The following EBF1 variants were observed in gnomAD, a reference collection of about 807,000 sequenced individuals.
EBF1 encodes transcription factor COE1.
EBF1 carries 10 observed loss-of-function variants against 68.4 expected under a neutral mutation model. That is an observed-to-expected ratio of 0.15 (90% CI 0.09 to 0.25). The LOEUF is 0.25. Ranked by LOEUF, EBF1 falls within the 10% of genes least tolerant of loss-of-function variation. The pLI is 1.00. For missense variants in EBF1, 509 were observed against 794.4 expected (o/e 0.64, Z 4.32); for synonymous variants, 298 against 299.8 (o/e 0.99, Z 0.06).
chr5:158,732,347 C>T (rs913677198), intron 10 of EBF1, among the ~76,000 whole-genome samples: 1 of 152,042 alleles, frequency 6.6e-6, no homozygotes, highest in Non-Finnish European at 1.5e-5. Context: ...CAAATAGGTC[C>T]CAAGGCTAAT....
At position 158,714,160 on chromosome 5, in the gene EBF1, G is replaced by A. The variant is rs1206083268; in HGVS notation, c.1148C>T (p.Ala383Val). The A allele has an allele frequency of 2.5e-6, 4 of 1,614,186 alleles. No individual in the cohort carries two copies. Among genetic ancestry groups the A allele is most frequent in the Non-Finnish European group, 1.7e-6 (2 of 1,180,034 alleles). Reference sequence around the variant, plus strand: ...CCCATACAGTGCTTCTACCAGATCCGCAGCCCTTTTGAGTATTACTTCCTG... The same window carrying A: ...CCCATACAGTGCTTCTACCAGATCCACAGCCCTTTTGAGTATTACTTCCTG... ...LPKEVILKRAADLVEALYGMP... is the reference protein window; with the variant it reads ...LPKEVILKRAVDLVEALYGMP... Residue 383 changes from alanine to valine, a missense_variant, in exon 12 of 16, where the codon GCG becomes GTG. Coordinates refer to ENST00000313708, the MANE Select transcript of EBF1 (RefSeq NM_024007.5).
At chr5:158,840,829 G>A (rs924346698) in intron 6 of EBF1, among the ~76,000 whole-genome samples, 7 of 150,116 alleles carry the variant, frequency 4.7e-5, no homozygotes, top group African/African-American at 1.5e-4. Context: ...CCGCCACTAC[G>A]CCCGGCTAAT....
intron 6 of EBF1, among the ~76,000 whole-genome samples, chr5:158,991,142 A>G (rs1760237418): frequency 1.3e-5 from 2 of 152,232 alleles, no homozygotes; most frequent in South Asian, 4.1e-4. Flanking sequence ...ACGTTTGTTA[A>G]ATAGAGTTAA....
intron 6 of EBF1, among the ~76,000 whole-genome samples, chr5:158,918,989 C>T (rs969645857): frequency 3.9e-5 from 6 of 152,186 alleles, no homozygotes; most frequent in Admixed American, 1.3e-4. Flanking sequence ...GAAGCCAACC[C>T]TTCCAATATT....
chr5:158,767,449 T>C (rs934232968), intron 10 of EBF1, among the ~76,000 whole-genome samples: 2 of 152,150 alleles, frequency 1.3e-5, no homozygotes, highest in Admixed American at 1.3e-4. Context: ...CAAGGTAAAG[T>C]AGCATGCCAG....
In EBF1 at chr5:158,796,296, T is replaced by C. The variant is rs371836228; in HGVS notation, c.909+49A>G. The stretch of plus-strand genomic sequence containing the variant: ...ATTAGAAATTCAAGTATAGACAGTA[T>C]CTTCAACTAGATCAAGCTATTAGAT... On this transcript the variant is annotated intron_variant, in intron 9 of 15. Transcript: ENST00000313708. The C allele has an allele frequency of 3.8e-6, 6 of 1,559,466 alleles. No homozygotes were observed. In the African/African-American group the frequency reaches 8.1e-5, roughly 21 times the overall value.
At chr5:159,035,850 T>C (rs578156079) in intron 6 of EBF1, among the ~76,000 whole-genome samples, 1 of 152,352 alleles carries the variant, frequency 6.6e-6, no homozygotes, top group African/African-American at 2.4e-5. Context: ...AGTATTGTGA[T>C]AATCACTCAC....
intron 6 of EBF1, among the ~76,000 whole-genome samples, chr5:158,951,998 G>A (rs1006874726): frequency 2.6e-5 from 4 of 152,086 alleles, no homozygotes; most frequent in African/African-American, 7.2e-5. Flanking sequence ...GTCGACTACC[G>A]AGCACTCAGG....
intron 6 of EBF1, among the ~76,000 whole-genome samples, chr5:158,934,180 C>T (rs918028472): frequency 3.9e-5 from 6 of 152,138 alleles, no homozygotes; most frequent in Admixed American, 3.9e-4. Flanking sequence ...GACACAGACT[C>T]TCCTGAATGA....
chr5:158,835,329 C>G (rs1042332811), intron 7 of EBF1, among the ~76,000 whole-genome samples: 1 of 152,088 alleles, frequency 6.6e-6, no homozygotes, highest in Non-Finnish European at 1.5e-5. Context: ...TTGACCAAAC[C>G]CTTTACAGGT....
chr5:159,095,758 A>C (rs1172313679), intron 3 of EBF1, 83 bp from the exon 4 acceptor site: 58 of 1,433,362 alleles, frequency 4.0e-5, no homozygotes, highest in Non-Finnish European at 5.2e-5. Flanking sequence ...AACAACAAAA[A>C]ATAACAACAA....
intron 6 of EBF1, among the ~76,000 whole-genome samples, chr5:159,064,899 CT>C (rs57256923): frequency 0.23 from 15,447 of 67,770 alleles, 519 homozygotes; most frequent in Middle Eastern, 0.29. Flanking sequence ...CTCTTTTCAT[CT>C]TTTTTTTTTT....
chr5:158,955,310 C>T (rs1448573921), intron 6 of EBF1, among the ~76,000 whole-genome samples: 2 of 150,794 alleles, frequency 1.3e-5, no homozygotes, highest in Non-Finnish European at 3.0e-5. Flanking sequence ...GCAACAAGAG[C>T]GAAACTCCAT....
chr5:159,039,228 G>T (rs1770708593), intron 6 of EBF1, among the ~76,000 whole-genome samples: 1 of 152,162 alleles, frequency 6.6e-6, no homozygotes, highest in African/African-American at 2.4e-5. Flanking sequence ...CGTCAGAAAA[G>T]AAAATCTTTT....
intron 10 of EBF1, among the ~76,000 whole-genome samples, chr5:158,760,008 T>C (rs1472546525): frequency 1.3e-5 from 2 of 152,154 alleles, no homozygotes; most frequent in African/African-American, 4.8e-5. Context: ...GAAAAGAACC[T>C]AGAATTCTTC....
chr5:158,723,303 T>C (rs1456190697), intron 11 of EBF1, among the ~76,000 whole-genome samples: 1 of 152,172 alleles, frequency 6.6e-6, no homozygotes, highest in Non-Finnish European at 1.5e-5. Context: ...AATCTCTTAA[T>C]TCTGGGAGGC....
chr5:158,720,691 A>G (rs1197425310), intron 11 of EBF1, among the ~76,000 whole-genome samples: 2 of 152,216 alleles, frequency 1.3e-5, no homozygotes, highest in Admixed American at 6.5e-5. Flanking sequence ...ATGACTGAGA[A>G]GAGTCACTTA....
chr5:158,768,687 C>T (rs969917427), intron 10 of EBF1, among the ~76,000 whole-genome samples: 2 of 152,110 alleles, frequency 1.3e-5, no homozygotes, highest in African/African-American at 4.8e-5. Context: ...ATCCACATCA[C>T]TGCAAACACA....
chr5:158,947,637 G>A (rs903632461), intron 6 of EBF1, among the ~76,000 whole-genome samples: 4 of 152,092 alleles, frequency 2.6e-5, no homozygotes, highest in East Asian at 3.9e-4. Flanking sequence ...GTTCCTATTC[G>A]GCCATCTTGC....
Sources: allele counts gnomAD v4.1 joint callset (sites outside exome capture counted in the v4.1 genomes callset), GRCh38; gene constraint gnomAD v4.1.1; transcripts MANE v1.5; gene names NCBI Gene and HGNC (gene_info 2026-07-23, HGNC 2026-07-21).